PPEF2: variants seen among roughly 807,000 people sequenced by gnomAD.
The protein encoded by PPEF2 is protein phosphatase with EF-hand domain 2, also known as serine/threonine-protein phosphatase with EF-hands 2.
In PPEF2, 84 loss-of-function variants were observed where a neutral mutation model predicts 84.7. The ratio of observed to expected loss-of-function variants is 0.99; its 90% confidence interval spans 0.83 to 1.19. The LOEUF (loss-of-function observed/expected upper bound fraction) is 1.19, where lower values mean the gene tolerates loss of function less well. Ranked by LOEUF, PPEF2 falls within the 50% of genes most tolerant of loss-of-function variation. The pLI, the probability that PPEF2 is intolerant of heterozygous loss-of-function variation, is 0.00. For missense variants in PPEF2, 924 were observed against 937.5 expected (o/e 0.99, Z 0.19); for synonymous variants, 346 against 345.2 (o/e 1.00, Z -0.03).
intron 1 of PPEF2, among the ~76,000 whole-genome samples, chr4:75,898,064 A>C (rs1725047194): frequency 6.6e-6 from 1 of 152,232 alleles, no homozygotes; most frequent in African/African-American, 2.4e-5. Flanking sequence ...GGCCGAATTA[A>C]AGGAATAAGT....
chr4:75,882,697 C>T, intron 10 of PPEF2: 1 of 425,196 alleles, frequency 2.4e-6, no homozygotes, highest in Non-Finnish European at 4.1e-6. Context: ...CAAAGTTTTG[C>T]TATGTTGCCC....
rs201175765 is a variant in PPEF2, at chr4:75,862,523, CA to C, written c.2009-1604del. 9.5e-3 allele frequency among the ~76,000 whole-genome samples: 1,441 copies of C among 151,744 alleles called. 27 individuals carry two copies. Among genetic ancestry groups the C allele is most frequent in the African/African-American group, 0.033 (1,383 of 41,356 alleles). ...TAGACATTTCTCCAAAAGAGATATA[CA>C]AATGGCCAATAAGCACATGAAAATG... On this transcript the variant is annotated intron_variant, in intron 16 of 16. Transcript: ENST00000286719.
intron 4 of PPEF2, among the ~76,000 whole-genome samples, chr4:75,890,508 C>G (rs1433406768): frequency 7.3e-6 from 1 of 137,234 alleles, no homozygotes; most frequent in Non-Finnish European, 1.6e-5. Context: ...AAAAAAAAGT[C>G]CTTCCCTGGA....
chr4:75,877,601 C>A (rs906387498), intron 10 of PPEF2, among the ~76,000 whole-genome samples: 1 of 151,698 alleles, frequency 6.6e-6, no homozygotes, highest in African/African-American at 2.4e-5. Flanking sequence ...ACATTGACAG[C>A]AATATGACAT....
At chr4:75,887,255 T>G (rs545223013) in intron 6 of PPEF2, among the ~76,000 whole-genome samples, 1 of 152,330 alleles carries the variant, frequency 6.6e-6, no homozygotes, top group East Asian at 1.9e-4. Flanking sequence ...AAAAGATTTT[T>G]CAGGAGACTT....
At chr4:75,877,736 A>T (rs1724466153) in intron 10 of PPEF2, among the ~76,000 whole-genome samples, 1 of 151,772 alleles carries the variant, frequency 6.6e-6, no homozygotes, top group African/African-American at 2.4e-5. Flanking sequence ...ACATAGGTAC[A>T]CACATGTCAC....
At chr4:75,887,290 A>G (rs1724752366) in intron 6 of PPEF2, among the ~76,000 whole-genome samples, 1 of 152,248 alleles carries the variant, frequency 6.6e-6, no homozygotes, top group African/African-American at 2.4e-5. Flanking sequence ...AGATCATAAT[A>G]TAAAATCCTC....
chr4:75,861,205 A>G (rs537601858), intron 16 of PPEF2, among the ~76,000 whole-genome samples: 1 of 152,134 alleles, frequency 6.6e-6, no homozygotes, highest in Non-Finnish European at 1.5e-5. Flanking sequence ...CTGGCATCTA[A>G]TAAATAAAGG....
At chr4:75,898,258 T>C (rs1015484153) in intron 1 of PPEF2, among the ~76,000 whole-genome samples, 8 of 152,242 alleles carry the variant, frequency 5.3e-5, no homozygotes, top group Admixed American at 3.9e-4. Flanking sequence ...CATGTCACAG[T>C]GCTGCAGAGA....
Position 75,896,273 on chromosome 4 carries a change from C to A in PPEF2, c.53G>T (p.Arg18Ile). The change falls in exon 2 of 17, where the codon AGA (arginine) becomes ATA (isoleucine). Residue 18 changes from arginine (R) to isoleucine (I), a missense_variant and splice_region_variant. Physicochemically the swap from Arg to Ile is moderately conservative, Grantham distance 97 (BLOSUM62 -3). Transcript: ENST00000286719. The part of the protein sequence containing the change: ...QHHFAFQNAE[R>I]AFKAAALIQR... ...TTTGGAAAGTGGGAAACACGTACCT[C>A]TCTCTGCATTCTGGAAAGCAAAATG... is the stretch of plus-strand genomic sequence containing the variant. The A allele has an allele frequency of 6.2e-7, 1 of 1,614,128 alleles. No homozygotes were observed. The highest frequency in any genetic ancestry group is 1.3e-5 in the African/African-American group (1 of 75,068).
chr4:75,867,117 A>G (rs962173812), intron 14 of PPEF2, among the ~76,000 whole-genome samples, 196 bp downstream of exon 14: 3 of 152,122 alleles, frequency 2.0e-5, no homozygotes, highest in Non-Finnish European at 4.4e-5. Flanking sequence ...CTAAGTTCAT[A>G]TTTTGTTAAA....
chr4:75,892,990 T>A (rs1005630331), intron 2 of PPEF2, among the ~76,000 whole-genome samples: 1 of 152,202 alleles, frequency 6.6e-6, no homozygotes, highest in African/African-American at 2.4e-5. Flanking sequence ...ATATGTTTCG[T>A]TTGCATTAGA....
Position 75,860,739 on chromosome 4 carries a change from C to G in PPEF2, c.2190G>C (p.Glu730Asp), listed in dbSNP as rs1577997859. The change falls in exon 17 of 17, where the codon GAG (glutamate) becomes GAC (aspartate). Residue 730 changes from glutamate to aspartate, a missense_variant. Glu to Asp is a conservative substitution (Grantham distance 45). Transcript: ENST00000286719. ...CTTGTGGGCATTCTGAGGCATCGCC[C>G]TCTGGGCAGGATTTCTCCACAAGGC... ...AFRLVEKSCP[E>D]GDASECPQAT... 6.2e-7 allele frequency: 1 copy of G among 1,614,248 alleles called. No individual in the cohort carries two copies. The highest frequency in any genetic ancestry group is 8.5e-7 in the Non-Finnish European group (1 of 1,180,040).
Position 75,891,850 on chromosome 4 carries a change from C to T in PPEF2, c.183+1G>A, listed in dbSNP as rs1214368642. On this transcript the variant is annotated splice_donor_variant, in intron 3 of 16. Coordinates refer to ENST00000286719, the MANE Select transcript of PPEF2 (RefSeq NM_006239.3). LOFTEE classifies it high-confidence loss of function. ...CGGCTCCGTCCCACATCTCATTGTA[C>T]CTTGACTTGGTCTTGCTGCCCAGCA... is the stretch of plus-strand genomic sequence containing the variant. The T allele has an allele frequency of 2.5e-6, 4 of 1,611,198 alleles. No individual in the cohort carries two copies. The African/African-American group carries it at 4.0e-5, about 16-fold the overall frequency.
At chr4:75,895,405 G>A (rs1724986222) in intron 2 of PPEF2, among the ~76,000 whole-genome samples, 1 of 149,788 alleles carries the variant, frequency 6.7e-6, no homozygotes, top group Non-Finnish European at 1.5e-5. Context: ...ATCCAGCCTG[G>A]GCCACAGAGG....
intron 10 of PPEF2, among the ~76,000 whole-genome samples, chr4:75,877,411 AAGAG>A (rs1322707022): frequency 9.2e-5 from 14 of 151,910 alleles, no homozygotes; most frequent in African/African-American, 2.2e-4. Context: ...AAAAGAAAGA[AAGAG>A]AGAGAAAGGA....
chr4:75,861,118 C>T (rs993360560), intron 16 of PPEF2, among the ~76,000 whole-genome samples, 198 bp from the exon 17 acceptor site: 3 of 152,110 alleles, frequency 2.0e-5, no homozygotes, highest in Non-Finnish European at 4.4e-5. Flanking sequence ...TAATTGTGCT[C>T]CCCTCCCTCC....
intron 15 of PPEF2, among the ~76,000 whole-genome samples, chr4:75,865,414 G>A (rs1724103006): frequency 6.6e-6 from 1 of 150,952 alleles, no homozygotes; most frequent in Non-Finnish European, 1.5e-5. Context: ...TTTAAACAGA[G>A]TCTTGCTGTG....
At position 75,896,461 on chromosome 4, in the gene PPEF2, T is replaced by C. The variant is rs903702762; in HGVS notation, c.-58-78A>G. On this transcript the variant is annotated intron_variant, in intron 1 of 16. Coordinates refer to ENST00000286719, the MANE Select transcript of PPEF2 (RefSeq NM_006239.3). The stretch of plus-strand genomic sequence containing the variant: ...TCGGGTGGGCCAAATTGTCTATGAA[T>C]CATGTGAGAGTATCCTCTCCACCTC... The C allele has an allele frequency of 6.9e-6, 6 of 872,528 alleles. No homozygotes were observed. In the East Asian group the frequency reaches 1.5e-4, roughly 22 times the overall value. 54.0% of individuals were successfully genotyped at this position (872,528 alleles called of 1,614,324 possible).
Sources: gnomAD v4.1 joint callset for allele counts (sites outside exome capture counted in the v4.1 genomes callset) on GRCh38, gnomAD v4.1.1 for gene constraint, MANE v1.5 for transcripts, NCBI Gene and HGNC (gene_info 2026-07-23, HGNC 2026-07-21) for gene names.